Variants in TRANK1 observed in about 807,000 individuals in gnomAD.
The protein encoded by TRANK1 is TPR and ankyrin repeat-containing protein 1.
A neutral mutation model predicts 266.0 loss-of-function variants in TRANK1; 198 were observed. The ratio of observed to expected loss-of-function variants is 0.74; its 90% CI spans 0.66 to 0.84. The LOEUF (loss-of-function observed/expected upper bound fraction) is 0.84. TRANK1 is among the 40% of genes least tolerant of loss of function. The probability of loss-of-function intolerance (pLI) is 0.00; values close to 1 mark genes in which losing one functional copy is unlikely to be tolerated. For synonymous variants in TRANK1, 1,396 were observed against 1,384.1 expected, an observed-to-expected ratio of 1.01 and a Z score of -0.19; for missense variants, 3,326 against 3,634.6, an observed-to-expected ratio of 0.92 and a Z score of 2.18.
intron 9 of TRANK1, among the ~76,000 whole-genome samples, chr3:36,865,051 G>A (rs533735549): frequency 2.6e-5 from 3 of 116,312 alleles, no homozygotes; most frequent in East Asian, 3.3e-4. Context: ...TTTTTGAGAC[G>A]GAGTCTTACT....
At chr3:36,842,497 G>T in intron 18 of TRANK1, 125 bp downstream of exon 18, 1 of 808,042 alleles carries the variant, frequency 1.2e-6, no homozygotes, top group South Asian at 1.6e-5. Context: ...TGATGTTTCA[G>T]AACACGTGGC....
At chr3:36,839,749 G>T (rs56345988) in intron 18 of TRANK1, among the ~76,000 whole-genome samples, 11,005 of 152,206 alleles carry the variant, frequency 0.072, 589 homozygotes, top group Admixed American at 0.15. Context: ...GCTGTGCATT[G>T]GTCTATATGC....
chr3:36,832,701 T>G lies in TRANK1; in HGVS notation c.6882A>C (p.Lys2294Asn). Residue 2294 changes from lysine (K) to asparagine (N), a missense_variant, in exon 22 of 24, where the codon AAA (lysine) becomes AAC (asparagine). By Grantham distance (94) the Lys-to-Asn change is moderately conservative. Transcript: ENST00000645898. ...AGAACCGGAAGGATTTGTAATTTGGTTTGAGGATTTCTTTGCATGCCATGG... is the reference window on the plus strand; with the variant it reads ...AGAACCGGAAGGATTTGTAATTTGGGTTGAGGATTTCTTTGCATGCCATGG... ...ENPMACKEILKPNYKSFRFYR... is the reference protein window; with the variant it reads ...ENPMACKEILNPNYKSFRFYR... The G allele has an allele frequency of 3.7e-6, 6 of 1,613,908 alleles. No individual in the cohort carries two copies. The highest frequency in any genetic ancestry group is 2.2e-5 in the East Asian group (1 of 44,888).
intron 1 of TRANK1, among the ~76,000 whole-genome samples, chr3:36,929,078 CAAAT>C (rs1242028950): frequency 1.3e-5 from 2 of 150,564 alleles, no homozygotes; most frequent in African/African-American, 4.9e-5. Flanking sequence ...TCAAATAAAA[CAAAT>C]AAATAAAAGA....
Position 36,856,827 on chromosome 3 carries a change from G to A in TRANK1, c.2895C>T (p.Gly965=). The part of the protein sequence containing the change: ...IKAICNAYNR[G]LSCVLRKKLK... ...GCTTCTTCCGCAGGACACAGGACAA[G>A]CCCCGGTTGTAGGCATTGCAGATGG... The change falls in exon 13 of 24, where the codon GGC becomes GGT. Residue 965 remains glycine, a synonymous_variant. Coordinates refer to ENST00000645898, the MANE Select transcript of TRANK1 (RefSeq NM_001329998.2). 7 of 1,614,034 alleles carry A rather than the reference G, an allele frequency of 4.3e-6. No homozygotes were observed. The highest frequency in any genetic ancestry group is 5.9e-6 in the Non-Finnish European group (7 of 1,179,890).
chr3:36,927,825 G>A (rs1575327422), intron 1 of TRANK1, among the ~76,000 whole-genome samples: 2 of 152,186 alleles, frequency 1.3e-5, no homozygotes, highest in African/African-American at 4.8e-5. Context: ...GTGAGAGTAT[G>A]AGGGCTGTTT....
Position 36,851,908 on chromosome 3 carries a change from C to T in TRANK1, c.4750-52G>A, listed in dbSNP as rs2078989477. The T allele has an allele frequency of 3.2e-6, 5 of 1,539,054 alleles. No individual in the cohort carries two copies. In the South Asian group the frequency reaches 6.2e-5, roughly 19 times the overall value. On this transcript the variant is annotated intron_variant, in intron 14 of 23. Coordinates refer to ENST00000645898, the MANE Select transcript of TRANK1 (RefSeq NM_001329998.2). Reference sequence around the variant, plus strand: ...TTCTACAGAGAAAACCCCAGTAAGCCTCAGTCTATTTCTATGGGAGATAGG... The same window carrying T: ...TTCTACAGAGAAAACCCCAGTAAGCTTCAGTCTATTTCTATGGGAGATAGG...
chr3:36,831,731 C>A lies in TRANK1; in HGVS notation c.7852G>T (p.Val2618Phe), dbSNP rs751349072. 12 of 1,613,882 alleles carry A rather than the reference C, an allele frequency of 7.4e-6. No homozygotes were observed. The highest frequency in any genetic ancestry group is 8.5e-6 in the Non-Finnish European group (10 of 1,179,898). ...PERLLKVVKR[V>F]LVAVNVKSVA... ...GACTTCACATTGACTGCCACCAAGACCCGCTTCACCACCTTCAGGAGCCTC... is the reference window on the plus strand; with the variant it reads ...GACTTCACATTGACTGCCACCAAGAACCGCTTCACCACCTTCAGGAGCCTC... The change falls in exon 22 of 24, where the codon GTC (valine) becomes TTC (phenylalanine). Residue 2618 changes from valine to phenylalanine, a missense_variant. By Grantham distance (50) the Val-to-Phe change is conservative (BLOSUM62 -1). Transcript: ENST00000645898. This position sits in a 1 kb window ranked among gnomAD's most constrained non-coding sequence, Gnocchi z 5.0.
chr3:36,860,064 A>G (rs542569966), intron 11 of TRANK1, among the ~76,000 whole-genome samples: 4 of 152,200 alleles, frequency 2.6e-5, no homozygotes, highest in Non-Finnish European at 5.9e-5. Flanking sequence ...TATCTTACAT[A>G]TTATGTGTTA....
intron 4 of TRANK1, among the ~76,000 whole-genome samples, chr3:36,897,392 C>T (rs1354706773): frequency 6.6e-6 from 1 of 152,218 alleles, no homozygotes; most frequent in African/African-American, 2.4e-5. Context: ...AAAAGACTGA[C>T]TGAAGAGCTG....
In TRANK1 at chr3:36,832,818, A is replaced by G. The variant is rs1218447031; in HGVS notation, c.6765T>C (p.Tyr2255=). The change falls in exon 22 of 24, where the codon TAT becomes TAC. Residue 2255 remains tyrosine, a synonymous_variant. Transcript: ENST00000645898. ...GGCCATACATATCTGTAGACAAAAT[A>G]TAATCAATTTCTTTAAGTTCTTCTG... is the stretch of plus-strand genomic sequence containing the variant. ...ILAEELKEID[Y]ILSTDMYGLC... The G allele has an allele frequency of 2.3e-5, 37 of 1,613,848 alleles. No homozygotes were observed. The highest frequency in any genetic ancestry group is 3.0e-5 in the Non-Finnish European group (35 of 1,179,864).
chr3:36,829,211 G>T (rs562380913), intron 23 of TRANK1, among the ~76,000 whole-genome samples: 236 of 152,288 alleles, frequency 1.5e-3, no homozygotes, highest in Non-Finnish European at 2.7e-3. Context: ...TTAAATGACT[G>T]ATCGACACAG....
Position 36,858,791 on chromosome 3 carries a change from G to C in TRANK1, c.1599C>G (p.Asp533Glu), listed in dbSNP as rs933849433. ...LAFLLLTKGADPRAISLTEGD... is the reference protein window; with the variant it reads ...LAFLLLTKGAEPRAISLTEGD... ...CTTCCGTGAGAGAAATAGCACGGGG[G>C]TCTGCGCCCTTGGTCAAGAGAAGGA... The change falls in exon 12 of 24, where the codon GAC becomes GAG. Residue 533 changes from aspartate (D) to glutamate (E), a missense_variant. Asp to Glu is a conservative substitution (Grantham distance 45). Coordinates refer to ENST00000645898, the MANE Select transcript of TRANK1 (RefSeq NM_001329998.2). 5 of 1,537,148 alleles carry C rather than the reference G, an allele frequency of 3.3e-6. No homozygotes were observed. The highest frequency in any genetic ancestry group is 1.4e-5 in the African/African-American group (1 of 73,064).
intron 1 of TRANK1, among the ~76,000 whole-genome samples, chr3:36,939,473 A>C (rs2080468182): frequency 6.6e-6 from 1 of 152,220 alleles, no homozygotes; most frequent in Admixed American, 6.5e-5. Flanking sequence ...TCCTCATAGA[A>C]GAGAAAATCC....
rs1294549521 is a variant in TRANK1 at position 36,832,302 on chromosome 3, CT to C, written c.7280del (p.Lys2427ArgfsTer8). On this transcript the variant is annotated frameshift_variant, in exon 22 of 24. Coordinates refer to ENST00000645898, the MANE Select transcript of TRANK1 (RefSeq NM_001329998.2). LOFTEE classifies it high-confidence loss of function. ...FYVYRNPEDY[K>X]RLFFRFMNVL... is the part of the protein sequence containing the mutation. ...CATTCATGAAACGGAAAAAGAGCCT[CT>C]TGTAGTCTTCTGGGTTCCTGTACAC... 6.2e-7 allele frequency: 1 copy of C among 1,613,890 alleles called. No individual in the cohort carries two copies. Among genetic ancestry groups the C allele is most frequent in the Non-Finnish European group, 8.5e-7 (1 of 1,179,910 alleles).
At position 36,903,160 on chromosome 3, in the gene TRANK1, T is replaced by C; in HGVS notation, c.271A>G (p.Thr91Ala). Residue 91 changes from threonine (T) to alanine (A), a missense_variant, in exon 3 of 24, where the codon ACC becomes GCC. Thr to Ala is a moderately conservative substitution (Grantham distance 58). Coordinates refer to ENST00000645898, the MANE Select transcript of TRANK1 (RefSeq NM_001329998.2). ...AAKECLQWDP[T>A]YVKGYYRAGY... ...CTCCCACCCCATACCTTCACGTAGGTTGGATCCCATTGGAGACATTCCTTG... is the reference window on the plus strand; with the variant it reads ...CTCCCACCCCATACCTTCACGTAGGCTGGATCCCATTGGAGACATTCCTTG... The C allele has an allele frequency of 1.3e-6, 2 of 1,537,266 alleles. No homozygotes were observed. Among genetic ancestry groups the C allele is most frequent in the Non-Finnish European group, 1.7e-6 (2 of 1,146,892 alleles).
intron 21 of TRANK1, 108 bp downstream of exon 21, chr3:36,834,654 G>T: frequency 7.6e-7 from 1 of 1,312,000 alleles, no homozygotes; most frequent in Non-Finnish European, 1.0e-6. Flanking sequence ...AGGGAGCAAT[G>T]TGGTCAAACC....
In TRANK1 at chr3:36,858,922, T is replaced by C. The variant is rs2079096040; in HGVS notation, c.1496-28A>G. ...GGGAGAGGAGAGAAGGGAAGCGCAA[T>C]GTGAGCAGGCACAGCCTGGCTCGCC... On this transcript the variant is annotated intron_variant, in intron 11 of 23. Coordinates refer to ENST00000645898, the MANE Select transcript of TRANK1 (RefSeq NM_001329998.2). 13 of 1,520,036 alleles carry C rather than the reference T, an allele frequency of 8.6e-6. No homozygotes were observed. The Admixed American group carries it at 1.2e-4, about 14-fold the overall frequency. 94.2% of individuals were successfully genotyped at this position (1,520,036 alleles called of 1,614,324 possible).
intron 7 of TRANK1, among the ~76,000 whole-genome samples, chr3:36,891,376 T>C (rs183576877): frequency 6.6e-6 from 1 of 152,090 alleles, no homozygotes; most frequent in Admixed American, 6.5e-5. Flanking sequence ...CCCCACTATA[T>C]GAAATGAATA....
Sources: allele counts gnomAD v4.1 joint callset (sites outside exome capture counted in the v4.1 genomes callset), GRCh38; gene constraint gnomAD v4.1.1; non-coding constraint Gnocchi (gnomAD v3.1); transcripts MANE v1.5; gene names NCBI Gene and HGNC (gene_info 2026-07-23, HGNC 2026-07-21).